MACROD2: variants seen among roughly 807,000 people sequenced by gnomAD.
MACROD2 encodes the protein mono-ADP ribosylhydrolase 2.
In MACROD2, 36 loss-of-function variants were observed where a neutral mutation model predicts 70.4. That is an observed-to-expected ratio of 0.51 (90% CI 0.39 to 0.68). The LOEUF is 0.68. Ranked by LOEUF, MACROD2 falls within the 30% of genes least tolerant of loss-of-function variation. The probability of loss-of-function intolerance (pLI) is 0.00; values close to 1 mark genes in which losing one functional copy is unlikely to be tolerated. For synonymous variants in MACROD2, 172 were observed against 178.8 expected (o/e 0.96, Z 0.30); for missense variants, 496 against 538.4 (o/e 0.92, Z 0.78).
intron 8 of MACROD2, among the ~76,000 whole-genome samples, chr20:15,664,291 T>A (rs2049865887): frequency 6.6e-6 from 1 of 152,208 alleles, no homozygotes; most frequent in Non-Finnish European, 1.5e-5. Context: ...ACCAAGGGTT[T>A]AGATTAAATG....
chr20:15,928,458 A>G (rs975040335), intron 10 of MACROD2, among the ~76,000 whole-genome samples: 3 of 152,216 alleles, frequency 2.0e-5, no homozygotes, highest in Admixed American at 1.3e-4. Flanking sequence ...CATAATTTAC[A>G]TATCTTACCC....
intron 4 of MACROD2, among the ~76,000 whole-genome samples, chr20:14,610,175 TGGAA>T (rs1983070063): frequency 6.6e-6 from 1 of 152,112 alleles, no homozygotes; most frequent in African/African-American, 2.4e-5. Context: ...TCATTTAGTT[TGGAA>T]AGGGGTTTAT....
intron 3 of MACROD2, among the ~76,000 whole-genome samples, chr20:14,138,529 T>C (rs2054829486): frequency 6.6e-6 from 1 of 152,168 alleles, no homozygotes; most frequent in African/African-American, 2.4e-5. Flanking sequence ...GGATCTCATT[T>C]ATATGTGGAA....
intron 8 of MACROD2, among the ~76,000 whole-genome samples, chr20:15,784,270 C>T (rs2051883649): frequency 6.6e-6 from 1 of 152,096 alleles, no homozygotes; most frequent in African/African-American, 2.4e-5. Flanking sequence ...TGTGTTGTAA[C>T]AAGTGCCTGG....
intron 5 of MACROD2, among the ~76,000 whole-genome samples, chr20:15,064,414 A>T (rs913056066): frequency 6.6e-6 from 1 of 152,108 alleles, no homozygotes; most frequent in Non-Finnish European, 1.5e-5. Context: ...CGGACTTCTG[A>T]TGGGCTACAT....
At position 15,588,267 on chromosome 20, in the gene MACROD2, C is replaced by T. The variant is rs2146662142; in HGVS notation, c.645+88420C>T. 3.3e-5 allele frequency among the ~76,000 whole-genome samples: 5 copies of T among 152,292 alleles called. No individual in the cohort carries two copies. In the South Asian group the frequency reaches 1.0e-3, roughly 32 times the overall value. On this transcript the variant is annotated intron_variant, in intron 8 of 17. Coordinates refer to ENST00000684519, the MANE Select transcript of MACROD2 (RefSeq NM_001351661.2). ...GCTGGAGTGGCTGGGACACAGGGCA[C>T]CAAATCCCTAGACTGCACACAGAAT...
intron 12 of MACROD2, among the ~76,000 whole-genome samples, chr20:15,961,096 C>T (rs898334109): frequency 2.6e-5 from 4 of 152,072 alleles, no homozygotes; most frequent in Non-Finnish European, 4.4e-5. Context: ...GCGGTAGAGC[C>T]ACACGATGAG....
intron 5 of MACROD2, among the ~76,000 whole-genome samples, chr20:14,741,828 G>A (rs775107244): frequency 5.3e-5 from 8 of 151,710 alleles, no homozygotes; most frequent in Non-Finnish European, 1.0e-4. Context: ...GAGCCCATTG[G>A]ATTAAAAAAA....
At chr20:14,241,363 A>G (rs916271991) in intron 3 of MACROD2, among the ~76,000 whole-genome samples, 8 of 152,176 alleles carry the variant, frequency 5.3e-5, no homozygotes, top group African/African-American at 1.9e-4. Context: ...TAGAATCAGT[A>G]TGATTTTCAT....
intron 3 of MACROD2, among the ~76,000 whole-genome samples, chr20:14,426,619 A>G (rs1016491512): frequency 1.3e-5 from 2 of 152,176 alleles, no homozygotes; most frequent in East Asian, 3.9e-4. Flanking sequence ...GTTTTGCAGT[A>G]TGATGATCCA....
intron 3 of MACROD2, among the ~76,000 whole-genome samples, chr20:14,339,210 G>A (rs901784523): frequency 1.3e-5 from 2 of 152,176 alleles, no homozygotes; most frequent in African/African-American, 2.4e-5. Context: ...GATAAGAAAT[G>A]TATTGACCCT....
chr20:14,041,695 T>C (rs941387024), intron 2 of MACROD2, among the ~76,000 whole-genome samples: 8 of 152,160 alleles, frequency 5.3e-5, no homozygotes, highest in African/African-American at 1.9e-4. Context: ...AGTAGAAAAG[T>C]AGACTTGCTT....
At chr20:14,896,650 A>G (rs1353972634) in intron 5 of MACROD2, among the ~76,000 whole-genome samples, 1 of 94,274 alleles carries the variant, frequency 1.1e-5, no homozygotes, top group Admixed American at 9.4e-5. Flanking sequence ...GAGTTTCCAT[A>G]AAAAAAAAAA....
At chr20:15,171,882 T>G (rs1178993103) in intron 5 of MACROD2, among the ~76,000 whole-genome samples, 1 of 152,170 alleles carries the variant, frequency 6.6e-6, no homozygotes, top group East Asian at 1.9e-4. Context: ...CCAGGTCCCT[T>G]TATCAGCAGT....
intron 3 of MACROD2, among the ~76,000 whole-genome samples, chr20:14,273,766 A>C (rs955547984): frequency 1.3e-5 from 2 of 152,234 alleles, no homozygotes; most frequent in African/African-American, 4.8e-5. Flanking sequence ...ATAAAGAAGA[A>C]AAGAGAGAAG....
chr20:15,948,778 T>C (rs2065864780), intron 12 of MACROD2, among the ~76,000 whole-genome samples: 1 of 152,186 alleles, frequency 6.6e-6, no homozygotes, highest in South Asian at 2.1e-4. Context: ...TATGCATATA[T>C]TACTTTTCCT....
intron 2 of MACROD2, among the ~76,000 whole-genome samples, chr20:14,078,425 A>G: frequency 6.6e-6 from 1 of 151,974 alleles, no homozygotes; most frequent in African/African-American, 2.4e-5. Flanking sequence ...TGTTTGTTTG[A>G]GATGAAGTCT....
intron 8 of MACROD2, among the ~76,000 whole-genome samples, chr20:15,653,771 G>A (rs771148493): frequency 6.6e-6 from 1 of 152,140 alleles, no homozygotes; most frequent in Non-Finnish European, 1.5e-5. Context: ...CCACAAACAA[G>A]ACATCCTCTT....
chr20:14,805,818 C>A (rs974897257), intron 5 of MACROD2, among the ~76,000 whole-genome samples: 10 of 151,958 alleles, frequency 6.6e-5, no homozygotes, highest in Non-Finnish European at 1.0e-4. Context: ...AAAAAGTGAA[C>A]CCTAGCAAGT....
Sources: gnomAD v4.1 joint callset for allele counts (sites outside exome capture counted in the v4.1 genomes callset) on GRCh38, gnomAD v4.1.1 for gene constraint, MANE v1.5 for transcripts, NCBI Gene and HGNC (gene_info 2026-07-23, HGNC 2026-07-21) for gene names.